The following NSMAF variants were observed in gnomAD, a reference collection of about 807,000 sequenced individuals.
NSMAF encodes protein FAN.
In NSMAF, 90 loss-of-function variants were observed where a neutral mutation model predicts 134.9. The ratio of observed to expected loss-of-function variants is 0.67; its 90% CI spans 0.56 to 0.79. The LOEUF (loss-of-function observed/expected upper bound fraction) is 0.79, where lower values mean the gene tolerates loss of function less well. NSMAF is among the 30% of genes least tolerant of loss of function. The probability of loss-of-function intolerance (pLI) is 0.00; values close to 1 mark genes in which losing one functional copy is unlikely to be tolerated. For missense variants in NSMAF, 1,010 were observed against 1,119.0 expected, an observed-to-expected ratio of 0.90 and a Z score of 1.39; for synonymous variants, 358 against 389.6, an observed-to-expected ratio of 0.92 and a Z score of 0.96.
At chr8:58,615,072 C>T (rs938886593) in intron 9 of NSMAF, among the ~76,000 whole-genome samples, 2 of 152,032 alleles carry the variant, frequency 1.3e-5, no homozygotes, top group African/African-American at 4.8e-5. Context: ...ACAAAGCAGG[C>T]TTCAAGAAAA....
chr8:58,590,780 T>C (rs1422550139), intron 24 of NSMAF, 87 bp downstream of exon 24: 2 of 1,292,600 alleles, frequency 1.5e-6, no homozygotes, highest in East Asian at 5.6e-5. Context: ...TCAATTGTTT[T>C]GGGAGAAATA....
chr8:58,614,031 T>C (rs1806598258), intron 9 of NSMAF, among the ~76,000 whole-genome samples: 1 of 152,194 alleles, frequency 6.6e-6, no homozygotes, highest in Non-Finnish European at 1.5e-5. Flanking sequence ...GGCTATACTG[T>C]ATAGTCTAAG....
At chr8:58,627,293 G>A (rs1427419635) in intron 6 of NSMAF, among the ~76,000 whole-genome samples, 1 of 152,122 alleles carries the variant, frequency 6.6e-6, no homozygotes, top group Non-Finnish European at 1.5e-5. Flanking sequence ...CTACGCCCCT[G>A]AAAACTGGAA....
rs1316767872 is a variant in NSMAF, at chr8:58,588,502, G to T, written c.2212-801C>A. On this transcript the variant is annotated intron_variant, in intron 26 of 30. Transcript: ENST00000038176. ...TGTTCGGTCCTTGCAGGCTTCACGA[G>T]ATCGATTCCTGACTACTTTGCTGTG... 19 of 1,193,360 alleles carry T rather than the reference G, an allele frequency of 1.6e-5. 1 individual carries two copies. The highest frequency in any genetic ancestry group is 2.2e-5 in the Non-Finnish European group (18 of 810,934). The allele number at this position is 1,193,360 out of a possible 1,614,324, so 73.9% of individuals were successfully genotyped here.
chr8:58,625,486 C>A (rs935689976), intron 6 of NSMAF, among the ~76,000 whole-genome samples: 1 of 152,122 alleles, frequency 6.6e-6, no homozygotes, highest in Non-Finnish European at 1.5e-5. Flanking sequence ...CTGACTAATG[C>A]ATTTGTAATT....
Position 58,609,709 on chromosome 8 carries a change from C to T in NSMAF, c.582G>A (p.Leu194=). 1 of 1,614,108 alleles carries T rather than the reference C, an allele frequency of 6.2e-7. No individual in the cohort carries two copies. The highest frequency in any genetic ancestry group is 1.3e-5 in the African/African-American group (1 of 75,044). Residue 194 remains leucine (L), a synonymous_variant, in exon 10 of 31, where the codon CTG becomes CTA. Transcript: ENST00000038176. Reference sequence around the variant, plus strand: ...CCATTTCTGCTTTGCATTCCATGTGCAGCTTTTCAGAAATGTTTTGGAACC... The same window carrying T: ...CCATTTCTGCTTTGCATTCCATGTGTAGCTTTTCAGAAATGTTTTGGAACC... ...KNRFQNISEK[L]HMECKAEMVT...
chr8:58,611,631 A>C (rs1806532270), intron 9 of NSMAF, among the ~76,000 whole-genome samples: 1 of 152,224 alleles, frequency 6.6e-6, no homozygotes. Flanking sequence ...TGTTGATATC[A>C]CAAAGAACTA....
At chr8:58,634,421 AT>A (rs1415624357) in intron 5 of NSMAF, among the ~76,000 whole-genome samples, 1 of 152,102 alleles carries the variant, frequency 6.6e-6, no homozygotes, top group Non-Finnish European at 1.5e-5. Flanking sequence ...GCATGAGAGG[AT>A]TTAAGTCAAG....
At chr8:58,654,072 T>C (rs1001164604) in intron 1 of NSMAF, among the ~76,000 whole-genome samples, 10 of 152,230 alleles carry the variant, frequency 6.6e-5, no homozygotes, top group Non-Finnish European at 1.0e-4. Flanking sequence ...CACAGTCGGA[T>C]AGATTTCTTG....
chr8:58,621,079 G>C (rs537816778), intron 9 of NSMAF, among the ~76,000 whole-genome samples: 24 of 151,592 alleles, frequency 1.6e-4, no homozygotes, highest in Admixed American at 1.2e-3. Context: ...GCAGTTTTTC[G>C]ATCCTCACCC....
Position 58,585,915 on chromosome 8 carries a change from T to C in NSMAF, c.2532A>G (p.Thr844=), listed in dbSNP as rs1475274375. 6.2e-7 allele frequency: 1 copy of C among 1,613,784 alleles called. No homozygotes were observed. Among genetic ancestry groups the C allele is most frequent in the Non-Finnish European group, 8.5e-7 (1 of 1,179,802 alleles). Residue 844 remains threonine, a synonymous_variant, in exon 29 of 31, where the codon ACA becomes ACG. Transcript: ENST00000038176. ...VQTGMLISSM[T]SDEPQRCFVW... Reference sequence around the variant, plus strand: ...AACTATACCTCTGGGGCTCATCTGATGTCATGGAGGAGATGAGCATTCCTG... The same window carrying C: ...AACTATACCTCTGGGGCTCATCTGACGTCATGGAGGAGATGAGCATTCCTG...
At chr8:58,651,886 G>C (rs536985780) in intron 1 of NSMAF, among the ~76,000 whole-genome samples, 1 of 152,118 alleles carries the variant, frequency 6.6e-6, no homozygotes, top group African/African-American at 2.4e-5. Flanking sequence ...GCACACATGC[G>C]CTGCTGGCCT....
At chr8:58,611,088 T>G (rs1563531583) in intron 9 of NSMAF, among the ~76,000 whole-genome samples, 13 of 152,068 alleles carry the variant, frequency 8.5e-5, no homozygotes. Flanking sequence ...TTTAACAAAC[T>G]GCTCAATAAA....
intron 26 of NSMAF, among the ~76,000 whole-genome samples, chr8:58,588,050 T>C (rs1805931483): frequency 6.6e-6 from 1 of 152,152 alleles, no homozygotes; most frequent in Non-Finnish European, 1.5e-5. Context: ...ACCCCCAAAA[T>C]AACTAAAAAT....
intron 23 of NSMAF, among the ~76,000 whole-genome samples, chr8:58,592,969 T>C (rs755956935): frequency 4.6e-5 from 7 of 151,234 alleles, no homozygotes; most frequent in Admixed American, 6.6e-5. Flanking sequence ...AGGAGTGACA[T>C]AATGCTTAAT....
At chr8:58,647,887 A>G (rs560834131) in intron 1 of NSMAF, among the ~76,000 whole-genome samples, 47 of 152,196 alleles carry the variant, frequency 3.1e-4, no homozygotes, top group Non-Finnish European at 6.3e-4. Flanking sequence ...GGAGTAGGGC[A>G]TTTTATTATG....
chr8:58,605,471 T>C (rs1229805001), intron 12 of NSMAF, among the ~76,000 whole-genome samples: 1 of 152,184 alleles, frequency 6.6e-6, no homozygotes, highest in Non-Finnish European at 1.5e-5. Context: ...CGTTAAAATA[T>C]AAGAGCATTT....
chr8:58,624,724 T>C (rs1007220782), intron 6 of NSMAF, among the ~76,000 whole-genome samples: 2 of 152,222 alleles, frequency 1.3e-5, no homozygotes, highest in African/African-American at 4.8e-5. Context: ...ATTCTGCTGC[T>C]GTTGGGTAGA....
chr8:58,618,969 G>A (rs1242456536), intron 9 of NSMAF, among the ~76,000 whole-genome samples: 3 of 151,990 alleles, frequency 2.0e-5, no homozygotes, highest in Admixed American at 6.6e-5. Context: ...ACATTAAAAC[G>A]TTCACAGTGA....
Sources: allele counts gnomAD v4.1 joint callset (sites outside exome capture counted in the v4.1 genomes callset), GRCh38; gene constraint gnomAD v4.1.1; transcripts MANE v1.5; gene names NCBI Gene and HGNC (gene_info 2026-07-23, HGNC 2026-07-21).